Variants in SLC30A10 observed in about 807,000 individuals in gnomAD.
SLC30A10 encodes the protein calcium/manganese antiporter SLC30A10.
In SLC30A10, 8 loss-of-function variants were observed where a neutral mutation model predicts 21.7. The ratio of observed to expected loss-of-function variants is 0.37; its 90% CI spans 0.22 to 0.67. The LOEUF is 0.67. Ranked by LOEUF, SLC30A10 falls within the 30% of genes least tolerant of loss-of-function variation. The probability of loss-of-function intolerance (pLI) is 0.58; values close to 1 mark genes in which losing one functional copy is unlikely to be tolerated. For missense variants in SLC30A10, 521 were observed against 642.5 expected (o/e 0.81, Z 2.04); for synonymous variants, 272 against 279.4 (o/e 0.97, Z 0.26).
chr1:219,925,101 C>T (rs1326356974), intron 2 of SLC30A10, among the ~76,000 whole-genome samples: 1 of 152,226 alleles, frequency 6.6e-6, no homozygotes, highest in African/African-American at 2.4e-5. Context: ...TACCAAGAAA[C>T]TTCAATAGCT....
chr1:219,931,250 T>C (rs890853347), upstream of SLC30A10, among the ~76,000 whole-genome samples: 3 of 152,138 alleles, frequency 2.0e-5, no homozygotes, highest in African/African-American at 7.2e-5. Context: ...ATAAGAATTG[T>C]GTCACTGCCC....
intron 2 of SLC30A10, among the ~76,000 whole-genome samples, chr1:219,922,801 A>C (rs914997070): frequency 2.6e-5 from 4 of 152,126 alleles, no homozygotes; most frequent in African/African-American, 7.2e-5. Flanking sequence ...TGCTATTCTA[A>C]CCACCCATGT....
chr1:219,927,533 A>T (rs1659857818), intron 1 of SLC30A10, among the ~76,000 whole-genome samples: 1 of 151,696 alleles, frequency 6.6e-6, no homozygotes. Context: ...GTAAGGGAAA[A>T]GAGGCCAGGG....
chr1:219,947,515 A>G (rs1026457477), intron 1 of SLC30A10, among the ~76,000 whole-genome samples: 1 of 152,148 alleles, frequency 6.6e-6, no homozygotes, highest in African/African-American at 2.4e-5. Flanking sequence ...CCTGGGTGAC[A>G]GAGCAAGATC....
rs1397535678 is a variant in SLC30A10 at position 219,927,680 on chromosome 1, A to ACAACAAC, written c.640+120_640+121insGTTGTTG. The ACAACAAC allele has an allele frequency of 5.3e-5, 24 of 448,894 alleles. 1 individual carries two copies. The highest frequency in any genetic ancestry group is 6.4e-5 in the Non-Finnish European group (21 of 326,396). 27.8% of individuals were successfully genotyped at this position (448,894 alleles called of 1,614,324 possible). On this transcript the variant is annotated intron_variant, in intron 1 of 3. Coordinates refer to ENST00000366926, the MANE Select transcript of SLC30A10 (RefSeq NM_018713.3). ...AAAAAAAAAAAAAACAACAACAACA[A>ACAACAAC]AAAAAAAAAAACAGAAAAAAAGCAT...
intron 1 of SLC30A10, among the ~76,000 whole-genome samples, chr1:219,957,771 C>G (rs1260408654): frequency 1.3e-5 from 2 of 151,972 alleles, no homozygotes; most frequent in Non-Finnish European, 2.9e-5. Flanking sequence ...TATATACTTA[C>G]AAACACCTCT....
At chr1:219,922,259 C>T (rs558011660) in intron 2 of SLC30A10, among the ~76,000 whole-genome samples, 1 of 114,802 alleles carries the variant, frequency 8.7e-6, no homozygotes, top group East Asian at 2.9e-4. Flanking sequence ...CTATGTTACC[C>T]GGGCTGGTCT....
Position 219,927,269 on chromosome 1 carries a change from A to G in SLC30A10, c.641-164T>C, listed in dbSNP as rs73097967. ...GAACAGTACATTTTGGCCTTGAAAT[A>G]GCCTTGTGATCCACCTTTGGACTTC... On this transcript the variant is annotated intron_variant, in intron 1 of 3. Coordinates refer to ENST00000366926, the MANE Select transcript of SLC30A10 (RefSeq NM_018713.3). 6,473 of 671,672 alleles carry G rather than the reference A, an allele frequency of 9.6e-3. 339 individuals carry two copies. The African/African-American group carries it at 0.11, about 11-fold the overall frequency. The allele number at this position is 671,672 out of a possible 1,614,324, so 41.6% of individuals were successfully genotyped here.
At chr1:219,934,819 T>TTA (rs985916028) in intron 1 of SLC30A10, among the ~76,000 whole-genome samples, 12 of 152,142 alleles carry the variant, frequency 7.9e-5, no homozygotes, top group African/African-American at 2.7e-4. Context: ...CATCTTGTCA[T>TTA]TATTGACACT....
intron 2 of SLC30A10, among the ~76,000 whole-genome samples, chr1:219,923,814 C>A (rs1029794542): frequency 7.9e-5 from 12 of 152,212 alleles, no homozygotes; most frequent in African/African-American, 2.9e-4. Context: ...AATCCTAGCA[C>A]TTTGGGAGGC....
chr1:219,944,674 A>G (rs921722676), intron 1 of SLC30A10, among the ~76,000 whole-genome samples: 18 of 152,214 alleles, frequency 1.2e-4, no homozygotes, highest in African/African-American at 4.1e-4. Flanking sequence ...AGCATTAGCC[A>G]GTGATAAGTT....
intron 2 of SLC30A10, among the ~76,000 whole-genome samples, chr1:219,925,647 ATATATT>A (rs1259717147): frequency 7.3e-5 from 5 of 68,052 alleles, no homozygotes; most frequent in East Asian, 6.5e-4. Flanking sequence ...ATATATATAT[ATATATT>A]TTTTTTTTTT....
rs779019023 is a variant in SLC30A10, at chr1:219,934,059, C to T, written n.81-6954G>A. 4.7e-4 allele frequency among the ~76,000 whole-genome samples: 72 copies of T among 152,194 alleles called. No homozygotes were observed. In the South Asian group the frequency reaches 4.8e-3, roughly 10 times the overall value. The stretch of plus-strand genomic sequence containing the variant: ...ATCCCAGCACATTGGAAGGCCGAGG[C>T]GGGTGGATCATGAGGTCAGGAGATC... On this transcript the variant is annotated intron_variant and non_coding_transcript_variant, in intron 1 of 8. Transcript: ENST00000484239.
At chr1:219,942,459 C>T (rs181382622) in intron 1 of SLC30A10, among the ~76,000 whole-genome samples, 26 of 152,290 alleles carry the variant, frequency 1.7e-4, no homozygotes, top group African/African-American at 5.1e-4. Flanking sequence ...GCCCCAAAGG[C>T]GACAACAAGG....
chr1:219,926,980 A>T, intron 2 of SLC30A10, 48 bp downstream of exon 2: 1 of 1,413,320 alleles, frequency 7.1e-7, no homozygotes, highest in Non-Finnish European at 1.0e-6. Flanking sequence ...AACACAGTCC[A>T]TGTGTGTCAT....
upstream of SLC30A10, among the ~76,000 whole-genome samples, chr1:219,929,296 C>G (rs1286769221): frequency 6.6e-6 from 1 of 152,198 alleles, no homozygotes; most frequent in Admixed American, 6.5e-5. Context: ...GGAGAGCAGA[C>G]CCCACTTCTG....
Position 219,915,716 on chromosome 1 carries a change from C to A in SLC30A10, c.1191G>T (p.Leu397=). 6.2e-7 allele frequency: 1 copy of A among 1,614,212 alleles called. No homozygotes were observed. Among genetic ancestry groups the A allele is most frequent in the Non-Finnish European group, 8.5e-7 (1 of 1,180,034 alleles). The change falls in exon 4 of 4, where the codon CTG becomes CTT. Residue 397 remains leucine (L), a synonymous_variant. Coordinates refer to ENST00000366926, the MANE Select transcript of SLC30A10 (RefSeq NM_018713.3). Reference sequence around the variant, plus strand: ...AGATGCAGGGTGAGTTGCAGAGCAACAGTAAGTCCTTCTGCTCCAGGGGTT... The same window carrying A: ...AGATGCAGGGTGAGTTGCAGAGCAAAAGTAAGTCCTTCTGCTCCAGGGGTT... ...LKEPLEQKDL[L]LLCNSPCISK...
chr1:219,947,602 T>C (rs1466413263), intron 1 of SLC30A10, among the ~76,000 whole-genome samples: 3 of 152,082 alleles, frequency 2.0e-5, no homozygotes, highest in African/African-American at 4.8e-5. Flanking sequence ...TATCAGGACA[T>C]GGACTATGGA....
chr1:219,915,653 C>T lies in SLC30A10; in HGVS notation c.1254G>A (p.Gly418=). The T allele has an allele frequency of 6.2e-7, 1 of 1,614,192 alleles. No individual in the cohort carries two copies. The highest frequency in any genetic ancestry group is 8.5e-7 in the Non-Finnish European group (1 of 1,180,046). Reference sequence around the variant, plus strand: ...CATTGACGTGAGCCAGAGGCAGTGCCCCGGGGGGACAACACAGCTGCTTAG... The same window carrying T: ...CATTGACGTGAGCCAGAGGCAGTGCTCCGGGGGGACAACACAGCTGCTTAG... The part of the protein sequence containing the change: ...GCAKQLCCPP[G]ALPLAHVNGC... Residue 418 remains glycine, a synonymous_variant, in exon 4 of 4, where the codon GGG becomes GGA. Coordinates refer to ENST00000366926, the MANE Select transcript of SLC30A10 (RefSeq NM_018713.3).
Sources: gnomAD v4.1 joint callset for allele counts (sites outside exome capture counted in the v4.1 genomes callset) on GRCh38, gnomAD v4.1.1 for gene constraint, MANE v1.5 for transcripts, NCBI Gene and HGNC (gene_info 2026-07-23, HGNC 2026-07-21) for gene names.